The following ZBTB20 variants were observed in gnomAD, a reference collection of about 807,000 sequenced individuals.
ZBTB20 encodes the protein zinc finger and BTB domain-containing protein 20.
In ZBTB20, 9 loss-of-function variants were observed where a neutral mutation model predicts 56.9. That is an observed-to-expected ratio of 0.16 (90% CI 0.10 to 0.28). ZBTB20 has a LOEUF of 0.28. ZBTB20 is among the 10% of genes least tolerant of loss of function. The probability of loss-of-function intolerance (pLI) is 1.00; values close to 1 mark genes in which losing one functional copy is unlikely to be tolerated. For synonymous variants in ZBTB20, 417 were observed against 420.7 expected (o/e 0.99, Z 0.11); for missense variants, 655 against 1,003.0 (o/e 0.65, Z 4.69).
At chr3:114,790,998 C>G (rs540881998) in intron 5 of ZBTB20, among the ~76,000 whole-genome samples, 1 of 152,152 alleles carries the variant, frequency 6.6e-6, no homozygotes, top group Admixed American at 6.6e-5. Context: ...ACTCTTGAGA[C>G]CTCAAAGTGA....
chr3:115,032,876 G>A (rs778299821), intron 2 of ZBTB20, among the ~76,000 whole-genome samples: 79 of 149,804 alleles, frequency 5.3e-4, no homozygotes, highest in Admixed American at 1.7e-3. Flanking sequence ...GAGTGCTAAG[G>A]GGAAAGTTTA....
At chr3:114,405,737 T>G (rs2108736798) in intron 7 of ZBTB20, among the ~76,000 whole-genome samples, 1 of 152,232 alleles carries the variant, frequency 6.6e-6, no homozygotes, top group African/African-American at 2.4e-5. Flanking sequence ...GGTGGAGCTG[T>G]AAGCAGGGAC....
At chr3:114,700,548 C>T (rs990366774) in intron 5 of ZBTB20, among the ~76,000 whole-genome samples, 7 of 152,110 alleles carry the variant, frequency 4.6e-5, no homozygotes, top group African/African-American at 1.7e-4. Flanking sequence ...CACTCATTTT[C>T]CACTACATCA....
intron 2 of ZBTB20, among the ~76,000 whole-genome samples, chr3:115,049,620 A>T (rs2081466504): frequency 6.6e-6 from 1 of 152,136 alleles, no homozygotes; most frequent in Non-Finnish European, 1.5e-5. Context: ...GCATCATGGC[A>T]GTGCTCAAAA....
chr3:114,433,374 C>T lies in ZBTB20; in HGVS notation c.-254-44269G>A, dbSNP rs1284517919. On this transcript the variant is annotated intron_variant, in intron 7 of 11. Coordinates refer to ENST00000675478, the MANE Select transcript of ZBTB20 (RefSeq NM_001348800.3). ...CTTTATTCTATACTTTTAATAAATA[C>T]ATCAATAATAATTTATTAAAAACCT... 4.6e-5 allele frequency among the ~76,000 whole-genome samples: 7 copies of T among 152,228 alleles called. No individual in the cohort carries two copies. In the East Asian group the frequency reaches 1.4e-3, roughly 29 times the overall value.
intron 7 of ZBTB20, among the ~76,000 whole-genome samples, chr3:114,483,373 G>A (rs963871074): frequency 6.6e-6 from 1 of 151,736 alleles, no homozygotes; most frequent in Non-Finnish European, 1.5e-5. Context: ...GAAAGCATGC[G>A]AACTTATAAG....
chr3:114,805,800 A>G (rs778020172), intron 4 of ZBTB20, among the ~76,000 whole-genome samples: 2 of 151,850 alleles, frequency 1.3e-5, no homozygotes, highest in Non-Finnish European at 2.9e-5. Flanking sequence ...TTCTCTCTCT[A>G]TAAATTTGCC....
intron 3 of ZBTB20, among the ~76,000 whole-genome samples, chr3:114,972,990 G>A (rs1284505619): frequency 6.6e-6 from 1 of 152,084 alleles, no homozygotes; most frequent in East Asian, 1.9e-4. Flanking sequence ...ATGGGGCAAG[G>A]CAGGGATAAA....
chr3:114,779,366 T>A (rs1156230236), intron 5 of ZBTB20, among the ~76,000 whole-genome samples: 3 of 152,178 alleles, frequency 2.0e-5, no homozygotes, highest in African/African-American at 7.2e-5. Context: ...CACCTATTTC[T>A]GAGTTCCTAG....
At chr3:114,398,962 A>G (rs568519431) in intron 7 of ZBTB20, among the ~76,000 whole-genome samples, 9 of 152,250 alleles carry the variant, frequency 5.9e-5, no homozygotes, top group African/African-American at 1.7e-4. Flanking sequence ...AATGAATTCC[A>G]TCTTTCCCAT....
At chr3:114,821,316 T>G (rs980484720) in intron 4 of ZBTB20, among the ~76,000 whole-genome samples, 64 of 152,140 alleles carry the variant, frequency 4.2e-4, no homozygotes, top group Admixed American at 4.0e-3. Flanking sequence ...CATTCAGACA[T>G]GTGCACCATA....
chr3:114,478,895 G>A (rs1226545365), intron 7 of ZBTB20, among the ~76,000 whole-genome samples: 1 of 152,106 alleles, frequency 6.6e-6, no homozygotes, highest in African/African-American at 2.4e-5. Context: ...TTAGACCAAG[G>A]CAGTCAAGAA....
At chr3:114,762,143 T>C (rs1362043668) in intron 5 of ZBTB20, among the ~76,000 whole-genome samples, 4 of 152,130 alleles carry the variant, frequency 2.6e-5, no homozygotes, top group Non-Finnish European at 5.9e-5. Flanking sequence ...ACAGACAAAA[T>C]AGAGATAGAT....
intron 7 of ZBTB20, among the ~76,000 whole-genome samples, chr3:114,477,754 C>G (rs1281545869): frequency 6.6e-6 from 1 of 151,990 alleles, no homozygotes; most frequent in Non-Finnish European, 1.5e-5. Context: ...CTCAGCCTTC[C>G]AAAGTGCTGG....
chr3:114,398,507 A>T (rs562219476), intron 7 of ZBTB20, among the ~76,000 whole-genome samples: 1 of 152,142 alleles, frequency 6.6e-6, no homozygotes, highest in African/African-American at 2.4e-5. Context: ...CCTGAAAATG[A>T]TACCATGTGT....
Position 114,770,865 on chromosome 3 carries a change from C to A in ZBTB20, c.-343+30236G>T, listed in dbSNP as rs116475565. Among the ~76,000 whole-genome samples the A allele has an allele frequency of 7.7e-3, 1,169 of 152,200 alleles. 10 individuals carry two copies. Among genetic ancestry groups the A allele is most frequent in the African/African-American group, 0.025 (1,056 of 41,528 alleles). Reference sequence around the variant, plus strand: ...TACTTACCAGTTGAGTACCCCTAATCCAAGAGTCTGAAATCTGAAATACTA... The same window carrying A: ...TACTTACCAGTTGAGTACCCCTAATACAAGAGTCTGAAATCTGAAATACTA... On this transcript the variant is annotated intron_variant, in intron 5 of 11. Transcript: ENST00000675478.
intron 7 of ZBTB20, among the ~76,000 whole-genome samples, chr3:114,455,606 C>T (rs1470771278): frequency 6.6e-6 from 1 of 152,002 alleles, no homozygotes; most frequent in Non-Finnish European, 1.5e-5. Flanking sequence ...GAATCTAGAT[C>T]TTGGAGGGAG....
intron 7 of ZBTB20, among the ~76,000 whole-genome samples, chr3:114,485,898 T>C (rs2042066990): frequency 6.6e-6 from 1 of 152,178 alleles, no homozygotes; most frequent in African/African-American, 2.4e-5. Context: ...CTGTTGTTTA[T>C]AAATTACCCA....
At chr3:114,844,552 A>AAAAAAC (rs1560313408) in intron 4 of ZBTB20, among the ~76,000 whole-genome samples, 2 of 140,832 alleles carry the variant, frequency 1.4e-5, no homozygotes, top group Non-Finnish European at 3.0e-5. Context: ...AAAAAAAAAA[A>AAAAAAC]CTTTCATTTC....
Sources: gnomAD v4.1 joint callset for allele counts (sites outside exome capture counted in the v4.1 genomes callset) on GRCh38, gnomAD v4.1.1 for gene constraint, MANE v1.5 for transcripts, NCBI Gene and HGNC (gene_info 2026-07-23, HGNC 2026-07-21) for gene names.